SAMMSON: variants seen among roughly 807,000 people sequenced by gnomAD.
The protein encoded by SAMMSON is survival associated mitochondrial melanoma specific oncogenic non-coding RNA.
At chr3:70,134,428 A>T (rs1027402620) in intron 4 of SAMMSON, among the ~76,000 whole-genome samples, 1 of 151,714 alleles carries the variant, frequency 6.6e-6, no homozygotes, top group Non-Finnish European at 1.5e-5. Context: ...ACTTGGAGGT[A>T]TCCCTGCATT....
At chr3:70,330,371 G>A (rs1245938386) in intron 7 of SAMMSON, among the ~76,000 whole-genome samples, 1 of 151,910 alleles carries the variant, frequency 6.6e-6, no homozygotes. Context: ...TACATGAAAA[G>A]TGAAATGAGC....
At chr3:70,313,816 C>T (rs1007309273) in intron 7 of SAMMSON, among the ~76,000 whole-genome samples, 1 of 152,112 alleles carries the variant, frequency 6.6e-6, no homozygotes, top group East Asian at 1.9e-4. Flanking sequence ...TTGTTTCTCC[C>T]ATTATTAATA....
intron 7 of SAMMSON, among the ~76,000 whole-genome samples, chr3:70,352,241 G>GA (rs1276749436): frequency 1.3e-5 from 2 of 151,882 alleles, no homozygotes; most frequent in Non-Finnish European, 2.9e-5. Context: ...TTAGGAGAAA[G>GA]AAAAAAATCT....
chr3:70,037,907 G>A (rs906712657), intron 3 of SAMMSON, among the ~76,000 whole-genome samples: 1 of 152,286 alleles, frequency 6.6e-6, no homozygotes, highest in South Asian at 2.1e-4. Context: ...CATCTGGAAA[G>A]ATTTGAATGC....
At chr3:70,134,464 G>T (rs1185090244) in intron 4 of SAMMSON, among the ~76,000 whole-genome samples, 1 of 151,310 alleles carries the variant, frequency 6.6e-6, no homozygotes, top group South Asian at 2.1e-4. Context: ...GACTACAGTT[G>T]CAATGATACA....
chr3:70,173,066 G>A (rs1700975094), intron 4 of SAMMSON: 1 of 151,832 alleles, frequency 6.6e-6, no homozygotes, highest in African/African-American at 2.4e-5. Context: ...TAGGGATTGG[G>A]AGGACATGTA....
At chr3:70,212,319 A>G (rs1701359354) in intron 4 of SAMMSON, among the ~76,000 whole-genome samples, 1 of 152,108 alleles carries the variant, frequency 6.6e-6, no homozygotes, top group South Asian at 2.1e-4. Context: ...AAATCCTTTC[A>G]ATTATGATGC....
chr3:70,184,654 C>T (rs1701078855), intron 4 of SAMMSON, among the ~76,000 whole-genome samples: 1 of 152,120 alleles, frequency 6.6e-6, no homozygotes, highest in African/African-American at 2.4e-5. Flanking sequence ...TAAAGACATA[C>T]ATGAAGAGAT....
chr3:70,139,185 T>A (rs1198579006), intron 4 of SAMMSON, among the ~76,000 whole-genome samples: 1 of 152,120 alleles, frequency 6.6e-6, no homozygotes, highest in Non-Finnish European at 1.5e-5. Flanking sequence ...TACAGACACA[T>A]GACACCACAC....
chr3:70,217,332 A>G (rs1359268570), intron 4 of SAMMSON, among the ~76,000 whole-genome samples: 4 of 152,146 alleles, frequency 2.6e-5, no homozygotes, highest in Admixed American at 2.6e-4. Flanking sequence ...CATTGTTGTC[A>G]TGATTTTAAA....
chr3:70,067,847 A>G (rs943668400), intron 3 of SAMMSON, among the ~76,000 whole-genome samples: 2 of 152,078 alleles, frequency 1.3e-5, no homozygotes, highest in African/African-American at 4.8e-5. Flanking sequence ...AGGAGCATCT[A>G]CCATGTACAT....
intron 4 of SAMMSON, among the ~76,000 whole-genome samples, chr3:70,233,280 G>T (rs1278742823): frequency 1.3e-5 from 2 of 152,082 alleles, no homozygotes; most frequent in Non-Finnish European, 2.9e-5. Flanking sequence ...CTGTGGAGTG[G>T]GTGGCCCTGG....
intron 1 of SAMMSON, among the ~76,000 whole-genome samples, chr3:70,012,032 T>C (rs2107577240): frequency 6.6e-6 from 1 of 152,192 alleles, no homozygotes; most frequent in Non-Finnish European, 1.5e-5. Context: ...GTGAATGGTC[T>C]CAACCCCTTT....
At chr3:70,247,181 A>G (rs972276396) in intron 4 of SAMMSON, among the ~76,000 whole-genome samples, 1 of 151,844 alleles carries the variant, frequency 6.6e-6, no homozygotes, top group Non-Finnish European at 1.5e-5. Context: ...CTAACTTTGG[A>G]TGACTTCCCT....
chr3:70,160,736 GC>G (rs1349424393), intron 4 of SAMMSON, among the ~76,000 whole-genome samples: 1 of 151,938 alleles, frequency 6.6e-6, no homozygotes, highest in Non-Finnish European at 1.5e-5. Context: ...ACAAGGAAAA[GC>G]CTGATGAAAA....
intron 9 of SAMMSON, among the ~76,000 whole-genome samples, chr3:70,388,046 C>G (rs80269880): frequency 6.6e-6 from 1 of 152,028 alleles, no homozygotes; most frequent in Non-Finnish European, 1.5e-5. Flanking sequence ...ATGTGATGAA[C>G]GCTTTTTTGA....
chr3:70,139,818 A>G (rs562232466), intron 4 of SAMMSON, among the ~76,000 whole-genome samples: 25 of 152,242 alleles, frequency 1.6e-4, no homozygotes, highest in African/African-American at 5.5e-4. Context: ...AGTGTGCAAT[A>G]CATCTTATTT....
chr3:70,131,918 TA>T (rs1292486441), intron 4 of SAMMSON, among the ~76,000 whole-genome samples: 1 of 152,116 alleles, frequency 6.6e-6, no homozygotes, highest in African/African-American at 2.4e-5. Flanking sequence ...GTAGCCTACC[TA>T]TAGTCAGATC....
intron 3 of SAMMSON, among the ~76,000 whole-genome samples, chr3:70,038,113 C>A (rs562565902): frequency 1.3e-5 from 2 of 152,134 alleles, no homozygotes; most frequent in South Asian, 4.2e-4. Context: ...TTGAGTATTG[C>A]CACGGTTTGG....
Sources: gnomAD v4.1 joint callset for allele counts (sites outside exome capture counted in the v4.1 genomes callset) on GRCh38, gnomAD v4.1.1 for gene constraint, MANE v1.5 for transcripts, NCBI Gene and HGNC (gene_info 2026-07-23, HGNC 2026-07-21) for gene names.